SGSM3: variants seen among roughly 807,000 people sequenced by gnomAD.
SGSM3 encodes small G protein signaling modulator 3.
In SGSM3, 96 loss-of-function variants were observed where a neutral mutation model predicts 100.5. The ratio of observed to expected loss-of-function variants is 0.96; its 90% CI spans 0.81 to 1.13. The LOEUF is 1.13. Among genes scored for constraint, SGSM3 ranks in the 50% most tolerant of loss-of-function variants. SGSM3 has a pLI of 0.00. For synonymous variants in SGSM3, 483 were observed against 422.8 expected (o/e 1.14, Z -1.75); for missense variants, 1,001 against 1,015.8 (o/e 0.99, Z 0.20).
Position 40,407,582 on chromosome 22 carries a change from C to A in SGSM3, c.1524+14C>A, listed in dbSNP as rs772376221. The stretch of plus-strand genomic sequence containing the variant: ...GACATCATCACAGTGCGTGGGGGCG[C>A]TGGACTACCAGGTCCTCAGGCTGTG... On this transcript the variant is annotated intron_variant, in intron 13 of 21. Coordinates refer to ENST00000248929, the MANE Select transcript of SGSM3 (RefSeq NM_015705.6). The surrounding 1 kb of genome is among the most constrained non-coding windows in gnomAD (Gnocchi z 4.7). 3 of 1,600,452 alleles carry A rather than the reference C, an allele frequency of 1.9e-6. No individual in the cohort carries two copies. In the South Asian group the frequency reaches 3.3e-5, roughly 18 times the overall value.
At chr22:40,406,349 G>A (rs1416482135) in intron 9 of SGSM3, 89 bp from the exon 10 acceptor site, 1 of 1,498,478 alleles carries the variant, frequency 6.7e-7, no homozygotes, top group Non-Finnish European at 9.0e-7. Flanking sequence ...AAGGCAAACG[G>A]GTCCCTGAGG....
At position 40,407,775 on chromosome 22, in the gene SGSM3, T is replaced by C. The variant is rs769128255; in HGVS notation, c.1525-14T>C. On this transcript the variant is annotated splice_polypyrimidine_tract_variant and intron_variant, in intron 13 of 21. Transcript: ENST00000248929. The surrounding 1 kb of genome is among the most constrained non-coding windows in gnomAD (Gnocchi z 4.7). ...CACCCAGCTTTGGTTCCTGCTGTTTTTCCTCCTGTGCAGATCGTGTCTCAG... is the reference window on the plus strand; with the variant it reads ...CACCCAGCTTTGGTTCCTGCTGTTTCTCCTCCTGTGCAGATCGTGTCTCAG... 47 of 1,613,942 alleles carry C rather than the reference T, an allele frequency of 2.9e-5. 1 individual carries two copies. The South Asian group carries it at 4.9e-4, about 17-fold the overall frequency.
chr22:40,396,592 C>CAAAA (rs778373023), intron 1 of SGSM3, among the ~76,000 whole-genome samples: 12 of 44,208 alleles, frequency 2.7e-4, no homozygotes, highest in Non-Finnish European at 3.5e-4. Flanking sequence ...GACTCTGTCT[C>CAAAA]AAAAAAAAAA....
chr22:40,407,151 T>C lies in SGSM3; in HGVS notation c.1241-50T>C, dbSNP rs1436357018. The C allele has an allele frequency of 6.2e-7, 1 of 1,612,460 alleles. No individual in the cohort carries two copies. The highest frequency in any genetic ancestry group is 2.2e-5 in the East Asian group (1 of 44,822). ...CTCATGTGGACGTGGAGCTTCCTCC[T>C]CGGGGGCCTGGAGTGGGCTGTGGTC... On this transcript the variant is annotated intron_variant, in intron 11 of 21. Coordinates refer to ENST00000248929, the MANE Select transcript of SGSM3 (RefSeq NM_015705.6). The surrounding 1 kb of genome is among the most constrained non-coding windows in gnomAD (Gnocchi z 4.7).
intron 1 of SGSM3, among the ~76,000 whole-genome samples, chr22:40,380,009 C>A (rs1322207707): frequency 6.6e-6 from 1 of 152,052 alleles, no homozygotes; most frequent in African/African-American, 2.4e-5. Context: ...TCGTGCTCGG[C>A]CTGGTTTCTC....
chr22:40,398,218 C>T (rs1468234775), intron 1 of SGSM3, among the ~76,000 whole-genome samples: 2 of 151,914 alleles, frequency 1.3e-5, no homozygotes, highest in South Asian at 2.1e-4. Flanking sequence ...CCACCCACCT[C>T]GGCCTCCCAA....
intron 1 of SGSM3, among the ~76,000 whole-genome samples, chr22:40,385,351 G>A (rs2146839067): frequency 6.6e-6 from 1 of 152,322 alleles, no homozygotes; most frequent in South Asian, 2.1e-4. Context: ...TACAGGGATA[G>A]TTGCTTTGTT....
At position 40,401,284 on chromosome 22, in the gene SGSM3, G is replaced by A. The variant is rs532473186; in HGVS notation, c.8-309G>A. ...TTTTATTTTTTTGAGGCAGAGTTTC[G>A]CTCTTGTTGCCCAGGCTGGAGCGCA... On this transcript the variant is annotated intron_variant, in intron 2 of 21. Coordinates refer to ENST00000248929, the MANE Select transcript of SGSM3 (RefSeq NM_015705.6). Among the ~76,000 whole-genome samples the A allele has an allele frequency of 9.2e-5, 14 of 151,644 alleles. No individual in the cohort carries two copies. In the East Asian group the frequency reaches 9.7e-4, roughly 11 times the overall value.
rs755966818 is a variant in SGSM3 at position 40,408,672 on chromosome 22, C to T, written c.1828C>T (p.Arg610Cys). The T allele has an allele frequency of 1.4e-5, 23 of 1,613,900 alleles. No individual in the cohort carries two copies. Among genetic ancestry groups the T allele is most frequent in the African/African-American group, 1.2e-4 (9 of 74,918 alleles). ...VERDFASVYS[R>C]LVLCKTFRLD... The stretch of plus-strand genomic sequence containing the variant: ...GAGAGACTTTGCCTCCGTGTATTCC[C>T]GTCTGGTGCTCTGTAAGACCTTCAG... Residue 610 changes from arginine to cysteine, a missense_variant, in exon 17 of 22, where the codon CGT becomes TGT. Transcript: ENST00000248929.
Position 40,407,580 on chromosome 22 carries a change from C to T in SGSM3, c.1524+12C>T, listed in dbSNP as rs115889788. 7,872 of 1,600,186 alleles carry T rather than the reference C, an allele frequency of 4.9e-3. 198 individuals carry two copies. The African/African-American group carries it at 0.067, about 14-fold the overall frequency. On this transcript the variant is annotated intron_variant, in intron 13 of 21. Transcript: ENST00000248929. The surrounding 1 kb of genome is among the most constrained non-coding windows in gnomAD (Gnocchi z 4.7). ...ACGACATCATCACAGTGCGTGGGGGCGCTGGACTACCAGGTCCTCAGGCTG... is the reference window on the plus strand; with the variant it reads ...ACGACATCATCACAGTGCGTGGGGGTGCTGGACTACCAGGTCCTCAGGCTG...
At chr22:40,370,739 C>T (rs2045240569) in intron 1 of SGSM3, 51 bp downstream of exon 1, 1 of 152,624 alleles carries the variant, frequency 6.6e-6, no homozygotes, top group African/African-American at 2.4e-5. Context: ...TACAAGTTCC[C>T]CTCAGGCGGG....
At chr22:40,395,326 T>A (rs2049904171) in intron 1 of SGSM3, among the ~76,000 whole-genome samples, 1 of 139,194 alleles carries the variant, frequency 7.2e-6, no homozygotes, top group African/African-American at 2.6e-5. Flanking sequence ...CCCATAACTC[T>A]TTTTTTTTTT....
chr22:40,404,055 T>A (rs1277715753), intron 4 of SGSM3, 192 bp from the exon 5 acceptor site: 3 of 437,320 alleles, frequency 6.9e-6, no homozygotes, highest in African/African-American at 2.0e-5. Flanking sequence ...AGAGCTTTGC[T>A]CCTCATGGGG....
chr22:40,372,756 A>G (rs1309562698), intron 1 of SGSM3: 2 of 152,232 alleles, frequency 1.3e-5, no homozygotes, highest in Non-Finnish European at 2.9e-5. Flanking sequence ...CTGCTGGCTC[A>G]GAAGCTTAAA....
At chr22:40,396,313 C>T (rs1039732215) in intron 1 of SGSM3, among the ~76,000 whole-genome samples, 2 of 152,032 alleles carry the variant, frequency 1.3e-5, no homozygotes, top group Admixed American at 1.3e-4. Context: ...TTGCTCAGGC[C>T]GGGTGCGGTG....
intron 2 of SGSM3, 60 bp from the exon 3 acceptor site, chr22:40,401,533 A>G: frequency 1.4e-6 from 2 of 1,381,802 alleles, no homozygotes; most frequent in Non-Finnish European, 2.1e-6. Flanking sequence ...GGCGTGAGCC[A>G]CTGCGCCTGG....
At chr22:40,400,917 G>T (rs1395715242) in intron 2 of SGSM3, 104 bp downstream of exon 2, 1 of 1,156,836 alleles carries the variant, frequency 8.6e-7, no homozygotes, top group Non-Finnish European at 1.2e-6. Context: ...CCAGATAAGA[G>T]AGGTGGAGAT....
intron 1 of SGSM3, among the ~76,000 whole-genome samples, chr22:40,397,003 C>G (rs1291347654): frequency 6.6e-6 from 1 of 152,174 alleles, no homozygotes; most frequent in Non-Finnish European, 1.5e-5. Context: ...TTTCAACTTT[C>G]TGCCTCTCAG....
intron 1 of SGSM3, among the ~76,000 whole-genome samples, chr22:40,372,445 G>A (rs766407178): frequency 2.0e-5 from 3 of 152,136 alleles, no homozygotes; most frequent in Non-Finnish European, 1.5e-5. Flanking sequence ...CTTTTTAAGC[G>A]TGGAGGTGTG....
Sources: allele counts gnomAD v4.1 joint callset (sites outside exome capture counted in the v4.1 genomes callset), GRCh38; gene constraint gnomAD v4.1.1; non-coding constraint Gnocchi (gnomAD v3.1); transcripts MANE v1.5; gene names NCBI Gene and HGNC (gene_info 2026-07-23, HGNC 2026-07-21).